NEGR1: variants seen among roughly 807,000 people sequenced by gnomAD.
NEGR1 encodes neuronal growth regulator 1, also known as IgLON family member 4.
A neutral mutation model predicts 40.9 loss-of-function variants in NEGR1; 10 were observed. The ratio of observed to expected loss-of-function variants is 0.24; its 90% CI spans 0.15 to 0.42. The LOEUF (loss-of-function observed/expected upper bound fraction) is 0.42. Ranked by LOEUF, NEGR1 falls within the 10% of genes least tolerant of loss-of-function variation. NEGR1 has a pLI of 1.00. For synonymous variants in NEGR1, 185 were observed against 166.8 expected, an observed-to-expected ratio of 1.11 and a Z score of -0.84; for missense variants, 352 against 438.9, an observed-to-expected ratio of 0.80 and a Z score of 1.77.
At position 72,212,575 on chromosome 1, in the gene NEGR1, A is replaced by C. The variant is rs538056924; in HGVS notation, c.176+69744T>G. 3.3e-5 allele frequency among the ~76,000 whole-genome samples: 5 copies of C among 152,116 alleles called. No homozygotes were observed. In the South Asian group the frequency reaches 6.2e-4, roughly 19 times the overall value. ...GAGCACTGCTTATATTCACCTTTAG[A>C]TGTCACTTACATTTTGATAATTTAA... On this transcript the variant is annotated intron_variant, in intron 1 of 6. Coordinates refer to ENST00000357731, the MANE Select transcript of NEGR1 (RefSeq NM_173808.3).
At position 71,890,238 on chromosome 1, in the gene NEGR1, G is replaced by C. The variant is rs1318366120; in HGVS notation, c.409+44841C>G. On this transcript the variant is annotated intron_variant, in intron 2 of 6. Coordinates refer to ENST00000357731, the MANE Select transcript of NEGR1 (RefSeq NM_173808.3). Reference sequence around the variant, plus strand: ...AACAATATTAACTTTAAATATAAATGGACTAAATTCTGCAATTAAAAGACA... The same window carrying C: ...AACAATATTAACTTTAAATATAAATCGACTAAATTCTGCAATTAAAAGACA... 3.9e-3 allele frequency among the ~76,000 whole-genome samples: 276 copies of C among 70,116 alleles called. 2 individuals are homozygous for C. The highest frequency in any genetic ancestry group is 0.016 in the African/African-American group (260 of 16,202). The allele number at this position is 70,116 out of a possible 152,430, so 46.0% of individuals were successfully genotyped here. A position where few individuals can be genotyped will look rare whatever the true frequency, so the allele number is the denominator to read the frequency against.
chr1:71,679,475 C>T (rs1156303246), intron 4 of NEGR1, among the ~76,000 whole-genome samples: 2 of 151,838 alleles, frequency 1.3e-5, no homozygotes, highest in Non-Finnish European at 2.9e-5. Flanking sequence ...ATATATTTGC[C>T]ATTGTAAATT....
At chr1:71,772,778 G>C (rs1384714619) in intron 3 of NEGR1, among the ~76,000 whole-genome samples, 1 of 152,020 alleles carries the variant, frequency 6.6e-6, no homozygotes, top group Non-Finnish European at 1.5e-5. Context: ...CTCTCAACTG[G>C]TTCAGTGAAA....
At chr1:71,916,037 C>A (rs1368868128) in intron 2 of NEGR1, among the ~76,000 whole-genome samples, 1 of 151,982 alleles carries the variant, frequency 6.6e-6, no homozygotes, top group Non-Finnish European at 1.5e-5. Context: ...AAGGGAAGAG[C>A]AAAATTTTCA....
intron 4 of NEGR1, among the ~76,000 whole-genome samples, chr1:71,622,904 C>T (rs1650655480): frequency 6.6e-6 from 1 of 151,810 alleles, no homozygotes; most frequent in Non-Finnish European, 1.5e-5. Context: ...CTTCTTCCCT[C>T]TCAGAATAAT....
At chr1:72,120,930 G>T (rs1035389540) in intron 1 of NEGR1, among the ~76,000 whole-genome samples, 8 of 151,832 alleles carry the variant, frequency 5.3e-5, no homozygotes, top group African/African-American at 1.9e-4. Flanking sequence ...TAAAAAAAAG[G>T]ATCAGTAATG....
chr1:71,436,846 G>A (rs1411427194), intron 6 of NEGR1, among the ~76,000 whole-genome samples: 1 of 151,936 alleles, frequency 6.6e-6, no homozygotes, highest in Non-Finnish European at 1.5e-5. Flanking sequence ...TAGTTTATTG[G>A]ATGAATAGTG....
At chr1:72,210,378 C>T (rs923875476) in intron 1 of NEGR1, among the ~76,000 whole-genome samples, 6 of 151,794 alleles carry the variant, frequency 4.0e-5, no homozygotes, top group Non-Finnish European at 1.5e-5. Flanking sequence ...ACACATAAAA[C>T]ACTTCTGTTG....
At position 71,527,097 on chromosome 1, in the gene NEGR1, A is replaced by G. The variant is rs544422421; in HGVS notation, c.940+65720T>C. 1.4e-3 allele frequency among the ~76,000 whole-genome samples: 210 copies of G among 151,654 alleles called. 1 individual carries two copies. The highest frequency in any genetic ancestry group is 2.2e-3 in the Non-Finnish European group (148 of 67,666). ...TCTGAGTTTGAAGAGTGCATTACAC[A>G]TATTTCTCTTATAGCACATATTGTA... is the stretch of plus-strand genomic sequence containing the variant. On this transcript the variant is annotated intron_variant, in intron 6 of 6. Transcript: ENST00000357731.
At chr1:71,665,312 G>A (rs2101594132) in intron 4 of NEGR1, among the ~76,000 whole-genome samples, 1 of 152,172 alleles carries the variant, frequency 6.6e-6, no homozygotes, top group Non-Finnish European at 1.5e-5. Flanking sequence ...ACTTCCTATT[G>A]ACTTTAAATT....
chr1:71,877,890 T>G (rs1194424786), intron 2 of NEGR1, among the ~76,000 whole-genome samples: 1 of 152,176 alleles, frequency 6.6e-6, no homozygotes, highest in African/African-American at 2.4e-5. Flanking sequence ...GAGGTGATCT[T>G]GTAAATTTTA....
chr1:71,715,121 C>T (rs541814773), intron 3 of NEGR1, among the ~76,000 whole-genome samples: 1 of 152,314 alleles, frequency 6.6e-6, no homozygotes, highest in East Asian at 1.9e-4. Flanking sequence ...CCCAACAGCA[C>T]ATGTAAGCTA....
At chr1:71,930,776 C>A (rs192494695) in intron 2 of NEGR1, among the ~76,000 whole-genome samples, 3 of 151,994 alleles carry the variant, frequency 2.0e-5, no homozygotes, top group African/African-American at 4.8e-5. Context: ...CCGCTGGGGA[C>A]GGAAGAAGAA....
intron 2 of NEGR1, among the ~76,000 whole-genome samples, chr1:71,928,471 T>C (rs2101891585): frequency 1.4e-5 from 2 of 145,042 alleles, no homozygotes; most frequent in East Asian, 4.0e-4. Flanking sequence ...CATACTTATA[T>C]ATACACATAT....
In NEGR1 at chr1:72,255,709, C is replaced by T. The variant is rs1048393164; in HGVS notation, c.176+26610G>A. Among the ~76,000 whole-genome samples, 13 of 152,014 alleles carry T rather than the reference C, an allele frequency of 8.6e-5. 1 individual carries two copies. Among genetic ancestry groups the T allele is most frequent in the South Asian group, 6.2e-4 (3 of 4,828 alleles). ...GGGACTACAGGCATGCACCACCACA[C>T]CCAGCAATTCTTTTGTATTTTAGTA... On this transcript the variant is annotated intron_variant, in intron 1 of 6. Coordinates refer to ENST00000357731, the MANE Select transcript of NEGR1 (RefSeq NM_173808.3).
At chr1:71,484,421 T>C (rs1262317370) in intron 6 of NEGR1, among the ~76,000 whole-genome samples, 2 of 151,694 alleles carry the variant, frequency 1.3e-5, no homozygotes, top group East Asian at 3.9e-4. Flanking sequence ...TCCTTCAAAA[T>C]AGTGATCATT....
chr1:71,549,726 G>C (rs1365697192), intron 6 of NEGR1, among the ~76,000 whole-genome samples: 1 of 151,604 alleles, frequency 6.6e-6, no homozygotes, highest in African/African-American at 2.4e-5. Context: ...TGATTGAAGA[G>C]AGGTGGAGAG....
chr1:72,232,339 G>C (rs561726928), intron 1 of NEGR1, among the ~76,000 whole-genome samples: 1 of 149,108 alleles, frequency 6.7e-6, no homozygotes, highest in Non-Finnish European at 1.5e-5. Flanking sequence ...CTGGGTGACA[G>C]AGCCAGATTC....
chr1:72,253,810 T>C (rs1655179221), intron 1 of NEGR1, among the ~76,000 whole-genome samples: 1 of 152,216 alleles, frequency 6.6e-6, no homozygotes, highest in African/African-American at 2.4e-5. Context: ...ATCAATGATA[T>C]TGAAATGGAG....
Sources: gnomAD v4.1 joint callset for allele counts (sites outside exome capture counted in the v4.1 genomes callset) on GRCh38, gnomAD v4.1.1 for gene constraint, MANE v1.5 for transcripts, NCBI Gene and HGNC (gene_info 2026-07-23, HGNC 2026-07-21) for gene names.